The following STYXL1 variants were observed in gnomAD, a reference collection of about 807,000 sequenced individuals.
The protein encoded by STYXL1 is serine/threonine/tyrosine-interacting-like protein 1.
STYXL1 carries 32 observed loss-of-function variants against 36.4 expected under a neutral mutation model. That is an observed-to-expected ratio of 0.88 (90% CI 0.66 to 1.18). STYXL1 has a LOEUF of 1.18. Among genes scored for constraint, STYXL1 ranks in the 50% most tolerant of loss-of-function variants. The pLI is 0.00. For synonymous variants in STYXL1, 133 were observed against 144.1 expected (o/e 0.92, Z 0.55); for missense variants, 354 against 394.1 (o/e 0.90, Z 0.86).
At chr7:76,028,851 G>A (rs995178643) in intron 2 of STYXL1, 148 bp from the exon 3 acceptor site, 14 of 721,320 alleles carry the variant, frequency 1.9e-5, no homozygotes, top group Middle Eastern at 2.3e-4. Flanking sequence ...GGGGCTGGGC[G>A]CGGTGGCATG....
chr7:76,039,988 G>A (rs1676355426), intron 1 of STYXL1, among the ~76,000 whole-genome samples: 1 of 152,142 alleles, frequency 6.6e-6, no homozygotes, highest in South Asian at 2.1e-4. Flanking sequence ...AGCAGGTATG[G>A]ATCAGAGGCC....
chr7:76,010,342 G>C (rs1321656078), intron 5 of STYXL1, among the ~76,000 whole-genome samples: 1 of 152,134 alleles, frequency 6.6e-6, no homozygotes, highest in Non-Finnish European at 1.5e-5. Context: ...GATGTCTTTG[G>C]GAGCCAGGCA....
chr7:76,035,034 C>T (rs990135773), intron 1 of STYXL1, among the ~76,000 whole-genome samples: 1 of 150,650 alleles, frequency 6.6e-6, no homozygotes, highest in African/African-American at 2.4e-5. Flanking sequence ...AGTACCTGCT[C>T]CTCATTTAGC....
intron 1 of STYXL1, among the ~76,000 whole-genome samples, chr7:76,036,369 G>A (rs1225090992): frequency 6.7e-6 from 1 of 150,120 alleles, no homozygotes; most frequent in Non-Finnish European, 1.5e-5. Context: ...CCAAAGTGCT[G>A]GGATTACAGG....
chr7:76,042,917 T>C (rs535871286), intron 1 of STYXL1, among the ~76,000 whole-genome samples: 1 of 152,312 alleles, frequency 6.6e-6, no homozygotes, highest in East Asian at 1.9e-4. Context: ...CCTCTGAAGC[T>C]TGTGCAGGCA....
At position 76,000,622 on chromosome 7, in the gene STYXL1, T is replaced by C. The variant is rs1037783409; in HGVS notation, c.810+268A>G. 2.9e-5 allele frequency: 16 copies of C among 560,432 alleles called. No individual in the cohort carries two copies. The African/African-American group carries it at 3.0e-4, about 10-fold the overall frequency. 34.7% of individuals were successfully genotyped at this position (560,432 alleles called of 1,614,324 possible). On this transcript the variant is annotated intron_variant, in intron 8 of 8. Transcript: ENST00000359697. ...TTGGGCAACACCAAACAAACACAGG[T>C]GGACGGCCTGACAGCAGTGGGGGCT...
intron 4 of STYXL1, 133 bp downstream of exon 4, chr7:76,021,718 T>A: frequency 1.4e-6 from 1 of 711,528 alleles, no homozygotes. Flanking sequence ...AAGCTCTTTT[T>A]CTGACGCAAA....
At chr7:76,032,592 C>T (rs1262325439) in intron 1 of STYXL1, among the ~76,000 whole-genome samples, 1 of 152,066 alleles carries the variant, frequency 6.6e-6, no homozygotes, top group Non-Finnish European at 1.5e-5. Flanking sequence ...GTCCCAGCTA[C>T]TCGGGAGGCT....
rs781923728 is a variant in STYXL1 at position 76,005,378 on chromosome 7, G to A, written c.480C>T (p.Pro160=). ...AGACCTTCCCTGGCACGATTTCAAT[G>A]GGGTATGGCTGAAATGCATCCAGTT... ...PQELDAFQPY[P]IEIVPGKVFV... Residue 160 remains proline (P), a synonymous_variant, in exon 6 of 9, where the codon CCC becomes CCT. Transcript: ENST00000359697. 4 of 1,613,070 alleles carry A rather than the reference G, an allele frequency of 2.5e-6. No individual in the cohort carries two copies. The highest frequency in any genetic ancestry group is 1.1e-5 in the South Asian group (1 of 91,008).
chr7:76,035,662 T>C (rs1217235305), intron 1 of STYXL1, among the ~76,000 whole-genome samples: 2 of 149,660 alleles, frequency 1.3e-5, no homozygotes, highest in Non-Finnish European at 3.0e-5. Context: ...CAGTGGTAAG[T>C]ATAGAGGAGA....
Position 76,000,075 on chromosome 7 carries a change from C to T in STYXL1, c.810+815G>A, listed in dbSNP as rs549358334. On this transcript the variant is annotated intron_variant, in intron 8 of 8. Transcript: ENST00000359697. ...GCATGGTGACACGGACCTGTAATCC[C>T]AGCTACGCGGGAGGCAGAGACAGGA... is the stretch of plus-strand genomic sequence containing the variant. Among the ~76,000 whole-genome samples, 64 of 151,926 alleles carry T rather than the reference C, an allele frequency of 4.2e-4. 1 individual carries two copies. The highest frequency in any genetic ancestry group is 2.7e-3 in the South Asian group (13 of 4,808).
Position 76,005,265 on chromosome 7 carries a change from C to G in STYXL1, c.593G>C (p.Gly198Ala). 1 of 1,572,498 alleles carries G rather than the reference C, an allele frequency of 6.4e-7. No individual in the cohort carries two copies. The change falls in exon 6 of 9, where the codon GGG (glycine) becomes GCG (alanine). Residue 198 changes from glycine to alanine, a missense_variant. Transcript: ENST00000359697. ...GTAGTTTCTCTTTACTTACAAGGGC[C>G]CTGTATCCATGGAGACATTGACATG... ...KAHVNVSMDT[G>A]PFFAGDADKL...
intron 8 of STYXL1, chr7:76,000,411 C>T: frequency 2.2e-6 from 1 of 456,772 alleles, no homozygotes; most frequent in Non-Finnish European, 4.4e-6. Context: ...CACGAACAGG[C>T]TGTGACAGGC....
chr7:76,006,142 G>A (rs1456294670), intron 5 of STYXL1, among the ~76,000 whole-genome samples: 1 of 152,042 alleles, frequency 6.6e-6, no homozygotes, highest in African/African-American at 2.4e-5. Context: ...CTCAATCATA[G>A]CTCGCTGCAG....
At chr7:76,022,523 G>C (rs1230487040) in intron 3 of STYXL1, among the ~76,000 whole-genome samples, 1 of 152,022 alleles carries the variant, frequency 6.6e-6, no homozygotes, top group Non-Finnish European at 1.5e-5. Flanking sequence ...AAAAATGCCA[G>C]GCATAGTGGC....
intron 8 of STYXL1, chr7:76,000,444 G>A (rs1007628872): frequency 4.4e-6 from 2 of 457,170 alleles, no homozygotes; most frequent in Non-Finnish European, 8.8e-6. Context: ...CGAGAAAGGT[G>A]CTGTGAGTTA....
At chr7:76,030,850 T>TTA (rs1367216916) in intron 1 of STYXL1, among the ~76,000 whole-genome samples, 1 of 57,084 alleles carries the variant, frequency 1.8e-5, no homozygotes, top group Non-Finnish European at 3.2e-5. Flanking sequence ...CCATCTCTAC[T>TTA]AAAAAAAAAA....
intron 7 of STYXL1, among the ~76,000 whole-genome samples, chr7:76,003,553 G>C (rs138784013): frequency 1.2e-4 from 18 of 152,294 alleles, no homozygotes; most frequent in African/African-American, 4.3e-4. Context: ...TAAACACCAC[G>C]GTTGCTCGTT....
At chr7:76,045,434 C>A (rs1186399395) in intron 1 of STYXL1, 1 of 152,236 alleles carries the variant, frequency 6.6e-6, no homozygotes, top group South Asian at 2.1e-4. Flanking sequence ...CAGTGGCTCA[C>A]GCCTATAATC....
Sources: gnomAD v4.1 joint callset for allele counts (sites outside exome capture counted in the v4.1 genomes callset) on GRCh38, gnomAD v4.1.1 for gene constraint, MANE v1.5 for transcripts, NCBI Gene and HGNC (gene_info 2026-07-23, HGNC 2026-07-21) for gene names.